CRYBG1: variants seen among roughly 807,000 people sequenced by gnomAD.
CRYBG1 encodes the protein beta/gamma crystallin domain-containing protein 1.
Under a neutral mutation model 189.2 loss-of-function variants are expected in CRYBG1, and 139 were observed. That is an observed-to-expected ratio of 0.73 (90% CI 0.64 to 0.85). The LOEUF (loss-of-function observed/expected upper bound fraction) is 0.85. Ranked by LOEUF, CRYBG1 falls within the 40% of genes least tolerant of loss-of-function variation. The probability of loss-of-function intolerance (pLI) is 0.00; values close to 1 mark genes in which losing one functional copy is unlikely to be tolerated. For synonymous variants in CRYBG1, 1,023 were observed against 1,017.1 expected, an observed-to-expected ratio of 1.01 and a Z score of -0.11; for missense variants, 2,611 against 2,675.8, an observed-to-expected ratio of 0.98 and a Z score of 0.53.
chr6:106,474,026 A>G (rs1001074400), intron 2 of CRYBG1, among the ~76,000 whole-genome samples: 1 of 151,800 alleles, frequency 6.6e-6, no homozygotes, highest in Non-Finnish European at 1.5e-5. Flanking sequence ...GGCAAACTAA[A>G]CTATGACTCA....
In CRYBG1 at chr6:106,512,848, G is replaced by T. The variant is rs760681444; in HGVS notation, c.1731G>T (p.Ser577=). ...GCGAGCTCCCGGTCAAGAGCAGCTC[G>T]CTGCTGCCGGAGATCAAGCCCGAGC... The part of the protein sequence containing the change: ...IPRELPVKSS[S]LLPEIKPEHK... Residue 577 remains serine (S), a synonymous_variant, in exon 3 of 22, where the codon TCG becomes TCT. Transcript: ENST00000633556. 1.3e-6 allele frequency: 2 copies of T among 1,583,568 alleles called. No homozygotes were observed. The highest frequency in any genetic ancestry group is 8.6e-7 in the Non-Finnish European group (1 of 1,165,068).
chr6:106,475,743 T>C (rs985818384), intron 2 of CRYBG1, among the ~76,000 whole-genome samples: 2 of 152,132 alleles, frequency 1.3e-5, no homozygotes, highest in African/African-American at 2.4e-5. Context: ...ATTAAATCTG[T>C]GATTTGGACA....
rs1582806671 is a variant in CRYBG1 at position 106,511,800 on chromosome 6, A to G, written c.683A>G (p.His228Arg). The G allele has an allele frequency of 6.5e-7, 1 of 1,527,988 alleles. No homozygotes were observed. The highest frequency in any genetic ancestry group is 1.4e-5 in the African/African-American group (1 of 72,876). The allele number at this position is 1,527,988 out of a possible 1,614,324, so 94.7% of individuals were successfully genotyped here. Residue 228 changes from histidine (H) to arginine (R), a missense_variant, in exon 3 of 22, where the codon CAT (histidine) becomes CGT (arginine). Transcript: ENST00000633556. ...SAAAVAVQQCHENDSPQLEPL... is the reference protein window; with the variant it reads ...SAAAVAVQQCRENDSPQLEPL... ...GCGGCTGTGGCTGTGCAGCAGTGCC[A>G]TGAAAATGATTCACCCCAATTAGAA...
chr6:106,552,050 A>G, intron 14 of CRYBG1, 72 bp downstream of exon 14: 5 of 1,465,224 alleles, frequency 3.4e-6, no homozygotes, highest in Non-Finnish European at 4.7e-6. Flanking sequence ...TTCCTGGTTC[A>G]TGTAATAGTA....
intron 1 of CRYBG1, among the ~76,000 whole-genome samples, chr6:106,379,114 A>G (rs981560985): frequency 2.2e-4 from 33 of 152,184 alleles, no homozygotes; most frequent in African/African-American, 8.0e-4. Flanking sequence ...GCGCCACTGC[A>G]TTTCAGCCTG....
intron 1 of CRYBG1, among the ~76,000 whole-genome samples, chr6:106,422,340 A>ATTTTTTTTTTTTTTTTTTTTT (rs747540246): frequency 4.4e-5 from 3 of 68,272 alleles, no homozygotes; most frequent in African/African-American, 1.4e-4. Context: ...TTATTTATTT[A>ATTTTTTTTTTTTTTTTTTTTT]TTTATTTTTG....
chr6:106,538,890 G>A (rs1042780306), intron 8 of CRYBG1, among the ~76,000 whole-genome samples: 14 of 30,406 alleles, frequency 4.6e-4, no homozygotes, highest in Admixed American at 1.4e-3. Flanking sequence ...ACAAGACTCC[G>A]TCAAAAAAAA....
chr6:106,484,465 G>A (rs1189910668), intron 2 of CRYBG1, among the ~76,000 whole-genome samples: 1 of 42 alleles, frequency 0.024, no homozygotes, highest in East Asian at 0.25. Flanking sequence ...CTATAGGCAT[G>A]TGCCCACCCA....
rs187290454 is a variant in CRYBG1 at position 106,530,078 on chromosome 6, G to C, written c.4579-98G>C. 42 of 1,140,642 alleles carry C rather than the reference G, an allele frequency of 3.7e-5. 1 individual carries two copies. The Admixed American group carries it at 1.1e-3, about 31-fold the overall frequency. 70.7% of individuals were successfully genotyped at this position (1,140,642 alleles called of 1,614,324 possible). A position where few individuals can be genotyped will look rare whatever the true frequency, so the allele number is the denominator to read the frequency against. On this transcript the variant is annotated intron_variant, in intron 7 of 21. Transcript: ENST00000633556. ...TGTGAAATGTGTTTGTAAATTTAAA[G>C]CTCATTTTGATTAGTTGTAAGAAGA...
chr6:106,413,669 T>A (rs1408233531), intron 1 of CRYBG1, among the ~76,000 whole-genome samples: 1 of 150,058 alleles, frequency 6.7e-6, no homozygotes, highest in Admixed American at 6.7e-5. Flanking sequence ...AACGGTGAGA[T>A]TTTGTCTCAA....
intron 8 of CRYBG1, among the ~76,000 whole-genome samples, chr6:106,536,787 G>A (rs547967923): frequency 8.5e-5 from 13 of 152,200 alleles, no homozygotes; most frequent in African/African-American, 2.7e-4. Context: ...CTATATTGGC[G>A]AAAGCTTATG....
intron 2 of CRYBG1, among the ~76,000 whole-genome samples, chr6:106,484,035 G>A (rs1273963347): frequency 9.9e-5 from 15 of 152,118 alleles, no homozygotes; most frequent in Admixed American, 9.8e-4. Context: ...TATTGTGAGA[G>A]GTAGGAATCT....
At chr6:106,390,985 T>A (rs1401369909) in intron 1 of CRYBG1, among the ~76,000 whole-genome samples, 1 of 152,236 alleles carries the variant, frequency 6.6e-6, no homozygotes, top group Non-Finnish European at 1.5e-5. Context: ...CTTCATTTAG[T>A]ACATACTTTC....
chr6:106,407,125 G>A (rs1698145158), intron 1 of CRYBG1, among the ~76,000 whole-genome samples: 1 of 152,154 alleles, frequency 6.6e-6, no homozygotes, highest in Non-Finnish European at 1.5e-5. Flanking sequence ...TCAGTGTGCT[G>A]TATTCAGGAG....
chr6:106,374,835 G>GAT (rs781758742), intron 1 of CRYBG1, among the ~76,000 whole-genome samples: 3 of 152,148 alleles, frequency 2.0e-5, no homozygotes, highest in East Asian at 3.9e-4. Flanking sequence ...GTTCTTTACT[G>GAT]ATATATATAC....
At chr6:106,413,406 G>C (rs1199462926) in intron 1 of CRYBG1, among the ~76,000 whole-genome samples, 1 of 152,210 alleles carries the variant, frequency 6.6e-6, no homozygotes, top group Non-Finnish European at 1.5e-5. Context: ...GCCAGGCATG[G>C]TGGCTCACAC....
intron 1 of CRYBG1, among the ~76,000 whole-genome samples, chr6:106,428,216 A>G (rs1179787661): frequency 6.6e-6 from 1 of 152,228 alleles, no homozygotes; most frequent in Non-Finnish European, 1.5e-5. Flanking sequence ...GGTAAGTCAC[A>G]CAAAAATATG....
chr6:106,425,149 A>G (rs913072828), intron 1 of CRYBG1, among the ~76,000 whole-genome samples: 4 of 152,134 alleles, frequency 2.6e-5, no homozygotes, highest in African/African-American at 9.6e-5. Flanking sequence ...TATTCTGCCT[A>G]CTTCCTCAGC....
intron 13 of CRYBG1, 63 bp downstream of exon 13, chr6:106,544,996 G>A: frequency 4.2e-6 from 6 of 1,416,094 alleles, no homozygotes; most frequent in East Asian, 2.3e-5. Context: ...TTTTAAACTG[G>A]TAAGAGTCTA....
Sources: allele counts gnomAD v4.1 joint callset (sites outside exome capture counted in the v4.1 genomes callset), GRCh38; gene constraint gnomAD v4.1.1; transcripts MANE v1.5; gene names NCBI Gene and HGNC (gene_info 2026-07-23, HGNC 2026-07-21).